Variants in COL11A1 observed in about 807,000 individuals in gnomAD.
The protein encoded by COL11A1 is collagen alpha-1(XI) chain.
A neutral mutation model predicts 265.2 loss-of-function variants in COL11A1; 74 were observed. The ratio of observed to expected loss-of-function variants is 0.28; its 90% CI spans 0.23 to 0.34. The LOEUF (loss-of-function observed/expected upper bound fraction) is 0.34. Ranked by LOEUF, COL11A1 falls within the 10% of genes least tolerant of loss-of-function variation. COL11A1 has a pLI of 1.00. For missense variants in COL11A1, 2,165 were observed against 2,263.6 expected (o/e 0.96, Z 0.88); for synonymous variants, 816 against 727.6 (o/e 1.12, Z -1.96).
At chr1:103,063,868 C>A (rs1036818776) in intron 4 of COL11A1, among the ~76,000 whole-genome samples, 2 of 152,104 alleles carry the variant, frequency 1.3e-5, no homozygotes, top group African/African-American at 4.8e-5. Context: ...AATAAAAAAG[C>A]TAACAATCTG....
chr1:102,960,775 G>C (rs1340740462), intron 41 of COL11A1, among the ~76,000 whole-genome samples: 1 of 151,972 alleles, frequency 6.6e-6, no homozygotes, highest in Non-Finnish European at 1.5e-5. Flanking sequence ...AATTGGGGTT[G>C]AACTATGAAG....
intron 28 of COL11A1, among the ~76,000 whole-genome samples, chr1:102,995,561 C>G (rs554452951): frequency 4.4e-4 from 67 of 151,444 alleles, no homozygotes; most frequent in Non-Finnish European, 7.8e-4. Flanking sequence ...TGCAGCAAAT[C>G]CATTCGTAAG....
intron 49 of COL11A1, among the ~76,000 whole-genome samples, chr1:102,915,994 G>T (rs1655295075): frequency 6.6e-6 from 1 of 152,018 alleles, no homozygotes; most frequent in Admixed American, 6.6e-5. Flanking sequence ...AAAATATTGT[G>T]TATTTGCACT....
intron 41 of COL11A1, among the ~76,000 whole-genome samples, chr1:102,951,667 G>C (rs111354772): frequency 6.6e-6 from 1 of 152,098 alleles, no homozygotes; most frequent in African/African-American, 2.4e-5. Flanking sequence ...GTGAATCCGG[G>C]AGGTGGAGCT....
Position 102,894,976 on chromosome 1 carries a change from G to A in COL11A1, c.4302+3149C>T, listed in dbSNP as rs117530033. 9.2e-5 allele frequency among the ~76,000 whole-genome samples: 14 copies of A among 152,068 alleles called. No individual in the cohort carries two copies. The East Asian group carries it at 2.7e-3, about 30-fold the overall frequency. ...ATTTGTCAATCTTCAGTTCCATACG[G>A]TGATCTAAGTACACATTTGTAGTGT... is the stretch of plus-strand genomic sequence containing the variant. On this transcript the variant is annotated intron_variant, in intron 57 of 66. Transcript: ENST00000370096.
At chr1:102,878,326 G>T (rs1279590616) in intron 66 of COL11A1, among the ~76,000 whole-genome samples, 161 bp from the exon 67 acceptor site, 1 of 150,778 alleles carries the variant, frequency 6.6e-6, no homozygotes, top group Non-Finnish European at 1.5e-5. Flanking sequence ...TCACTGTATA[G>T]TTCTAAATTT....
chr1:103,041,786 C>A (rs1310385361), intron 4 of COL11A1, among the ~76,000 whole-genome samples: 1 of 151,918 alleles, frequency 6.6e-6, no homozygotes, highest in East Asian at 1.9e-4. Flanking sequence ...CTTGAACATG[C>A]AATATCTGTT....
At chr1:103,064,708 A>AG (rs1271740815) in intron 4 of COL11A1, among the ~76,000 whole-genome samples, 1 of 151,102 alleles carries the variant, frequency 6.6e-6, no homozygotes, top group East Asian at 1.9e-4. Flanking sequence ...AAGAAAAAAA[A>AG]AAAAAAAGAG....
chr1:103,066,256 C>T (rs1325124980), intron 4 of COL11A1, among the ~76,000 whole-genome samples: 1 of 151,722 alleles, frequency 6.6e-6, no homozygotes, highest in East Asian at 1.9e-4. Flanking sequence ...ATATTTTTAT[C>T]TTAAAAGCTT....
intron 1 of COL11A1, among the ~76,000 whole-genome samples, chr1:103,104,351 A>G (rs1674526057): frequency 6.6e-6 from 1 of 152,140 alleles, no homozygotes; most frequent in Admixed American, 6.5e-5. Flanking sequence ...ATTTGAAAAG[A>G]GATGTTTGCT....
Position 102,984,151 on chromosome 1 carries a change from C to A in COL11A1, c.2543G>T (p.Arg848Ile), listed in dbSNP as rs781206372. 11 of 1,601,744 alleles carry A rather than the reference C, an allele frequency of 6.9e-6. No homozygotes were observed. The highest frequency in any genetic ancestry group is 1.1e-5 in the South Asian group (1 of 90,176). The change falls in exon 31 of 67, where the codon AGA becomes ATA. Residue 848 changes from arginine to isoleucine, a missense_variant. By Grantham distance (97) the Arg-to-Ile change is moderately conservative. Coordinates refer to ENST00000370096, the MANE Select transcript of COL11A1 (RefSeq NM_001854.4). ...AAGCTGTTTTACCTTTGGACCTTGT[C>A]TTCCTGGATATCCTGGTAATCCTGG... is the stretch of plus-strand genomic sequence containing the variant. ...GVPGLPGYPG[R>I]QGPKGSTGFP...
In COL11A1 at chr1:102,945,196, C is replaced by T. The variant is rs563250198; in HGVS notation, c.3276+1653G>A. ...AGGGCAAAATGAAATTAATTAATGCCGTTATTGCATTAGTGGGTTCATTAA... is the reference window on the plus strand; with the variant it reads ...AGGGCAAAATGAAATTAATTAATGCTGTTATTGCATTAGTGGGTTCATTAA... On this transcript the variant is annotated intron_variant, in intron 42 of 66. Coordinates refer to ENST00000370096, the MANE Select transcript of COL11A1 (RefSeq NM_001854.4). Among the ~76,000 whole-genome samples, 4 of 150,860 alleles carry T rather than the reference C, an allele frequency of 2.7e-5. No homozygotes were observed. The South Asian group carries it at 6.3e-4, about 24-fold the overall frequency.
At chr1:103,031,325 T>A in intron 4 of COL11A1, 81 bp from the exon 5 acceptor site, 1 of 1,486,534 alleles carries the variant, frequency 6.7e-7, no homozygotes, top group Non-Finnish European at 9.1e-7. Flanking sequence ...AAGCGAGATG[T>A]GGTTTATTTT....
At chr1:102,903,530 C>T (rs918231195) in intron 54 of COL11A1, among the ~76,000 whole-genome samples, 2 of 152,046 alleles carry the variant, frequency 1.3e-5, no homozygotes, top group African/African-American at 2.4e-5. Flanking sequence ...TATATACAAA[C>T]CTAATTTAAG....
chr1:103,105,068 G>A (rs576388218), intron 1 of COL11A1, among the ~76,000 whole-genome samples: 2 of 138,122 alleles, frequency 1.4e-5, no homozygotes, highest in South Asian at 5.6e-4. Context: ...TTAGTAAAAA[G>A]TGATTCAATT....
intron 15 of COL11A1, among the ~76,000 whole-genome samples, 198 bp downstream of exon 15, chr1:103,008,265 G>C (rs1665807311): frequency 6.6e-6 from 1 of 151,982 alleles, no homozygotes; most frequent in Non-Finnish European, 1.5e-5. Context: ...ACATAAAAAA[G>C]AAGGCTACTA....
chr1:102,965,002 T>C (rs1020883384), intron 38 of COL11A1, among the ~76,000 whole-genome samples: 1 of 152,198 alleles, frequency 6.6e-6, no homozygotes. Context: ...ATTAATATTT[T>C]ATTTCTGATA....
At chr1:102,991,940 A>G (rs1472559143) in intron 28 of COL11A1, among the ~76,000 whole-genome samples, 2 of 151,966 alleles carry the variant, frequency 1.3e-5, no homozygotes, top group Non-Finnish European at 2.9e-5. Flanking sequence ...TAAGAGCTGT[A>G]AATGACCACT....
rs542132075 is a variant in COL11A1, at chr1:103,042,607, A to T, written c.652-11363T>A. On this transcript the variant is annotated intron_variant, in intron 4 of 66. Transcript: ENST00000370096. ...AAGTTGGGAAGGGAAAAAGGTTGGC[A>T]TTGTTTACCCCCATACTTTCCTAGC... 3.9e-5 allele frequency among the ~76,000 whole-genome samples: 6 copies of T among 152,204 alleles called. No homozygotes were observed. In the South Asian group the frequency reaches 1.2e-3, roughly 31 times the overall value.
Sources: allele counts gnomAD v4.1 joint callset (sites outside exome capture counted in the v4.1 genomes callset), GRCh38; gene constraint gnomAD v4.1.1; transcripts MANE v1.5; gene names NCBI Gene and HGNC (gene_info 2026-07-23, HGNC 2026-07-21).